NID2: variants seen among roughly 807,000 people sequenced by gnomAD.
The protein encoded by NID2 is nidogen-2.
Under a neutral mutation model 145.4 loss-of-function variants are expected in NID2, and 83 were observed. The ratio of observed to expected loss-of-function variants is 0.57; its 90% CI spans 0.48 to 0.69. The LOEUF is 0.69. NID2 is among the 30% of genes least tolerant of loss of function. The probability of loss-of-function intolerance (pLI) is 0.00; values close to 1 mark genes in which losing one functional copy is unlikely to be tolerated. For missense variants in NID2, 1,807 were observed against 1,765.7 expected (o/e 1.02, Z -0.42); for synonymous variants, 739 against 701.3 (o/e 1.05, Z -0.85).
At chr14:52,011,473 C>T (rs1055470676) in intron 17 of NID2, 81 bp downstream of exon 17, 10 of 1,568,464 alleles carry the variant, frequency 6.4e-6, no homozygotes, top group East Asian at 4.5e-5. Context: ...GGAGAAAAAT[C>T]GAGGGGAGAC....
intron 8 of NID2, among the ~76,000 whole-genome samples, chr14:52,039,680 T>C (rs905384828): frequency 6.6e-6 from 1 of 152,182 alleles, no homozygotes; most frequent in African/African-American, 2.4e-5. Flanking sequence ...TCCGGATTGC[T>C]GTGCTGCACA....
At position 52,040,683 on chromosome 14, in the gene NID2, G is replaced by A; in HGVS notation, c.1994C>T (p.Pro665Leu). 1 of 1,614,056 alleles carries A rather than the reference G, an allele frequency of 6.2e-7. No homozygotes were observed. Among genetic ancestry groups the A allele is most frequent in the South Asian group, 1.1e-5 (1 of 91,078 alleles). ...GGAGTAGTGGTACAGCTCCTTGTAG[G>A]GAGAGATGTGGGCTGTGAAATTTGC... ...VSANFTAHIS[P>L]YKELYHYSDS... The change falls in exon 8 of 22, where the codon CCC becomes CTC. Residue 665 changes from proline (P) to leucine (L), a missense_variant. Coordinates refer to ENST00000216286, the MANE Select transcript of NID2 (RefSeq NM_007361.4).
chr14:52,035,878 A>ACGTATATATATATATTTATATT (rs1555364238), intron 9 of NID2, among the ~76,000 whole-genome samples: 1 of 135,204 alleles, frequency 7.4e-6, no homozygotes, highest in Non-Finnish European at 1.5e-5. Flanking sequence ...ATATATATAT[A>ACGTATATATATATATTTATATT]TGTTTTATTT....
intron 14 of NID2, among the ~76,000 whole-genome samples, chr14:52,015,618 C>T (rs1891190987): frequency 6.6e-6 from 1 of 152,200 alleles, no homozygotes; most frequent in Non-Finnish European, 1.5e-5. Context: ...GAGAGGCCCA[C>T]AAGGCCCATC....
rs1045184802 is a variant in NID2, at chr14:52,005,398, T to C, written c.*88A>G. 2 of 1,341,652 alleles carry C rather than the reference T, an allele frequency of 1.5e-6. 1 individual carries two copies. The allele number at this position is 1,341,652 out of a possible 1,614,324, so 83.1% of individuals were successfully genotyped here. The stretch of plus-strand genomic sequence containing the variant: ...TCAGGAACGTCTAATGGCCAATTCC[T>C]TTTTTACTTTCTTTGCCTTTGCAGT... On this transcript the variant is annotated 3_prime_UTR_variant, in exon 22 of 22. Coordinates refer to ENST00000216286, the MANE Select transcript of NID2 (RefSeq NM_007361.4).
intron 12 of NID2, among the ~76,000 whole-genome samples, chr14:52,023,142 G>T (rs1891461415): frequency 6.6e-6 from 1 of 152,168 alleles, no homozygotes; most frequent in African/African-American, 2.4e-5. Flanking sequence ...CAGGAAACCT[G>T]GCCAGGCACA....
intron 12 of NID2, among the ~76,000 whole-genome samples, chr14:52,022,268 G>A (rs1266508029): frequency 2.0e-5 from 3 of 152,086 alleles, no homozygotes; most frequent in Admixed American, 2.0e-4. Context: ...TAAAGTTCTG[G>A]GTAGACAGAA....
At chr14:52,005,590 G>T in intron 21 of NID2, 94 bp from the exon 22 acceptor site, 1 of 1,501,794 alleles carries the variant, frequency 6.7e-7, no homozygotes, top group Non-Finnish European at 9.2e-7. Flanking sequence ...GTATAAACTA[G>T]GTAGATTTAA....
Position 52,015,067 on chromosome 14 carries a change from G to A in NID2, c.3237C>T (p.Gly1079=). Residue 1079 remains glycine, a synonymous_variant, in exon 15 of 22, where the codon GGC becomes GGT. Coordinates refer to ENST00000216286, the MANE Select transcript of NID2 (RefSeq NM_007361.4). ...CCAGGTGCTTACACGCAGGGGTGGT[G>A]CCTGGCTGGGAGCGGGTGCCCTGCA... ...REVQGTRSQP[G]TTPACIPTVA... The A allele has an allele frequency of 6.2e-7, 1 of 1,613,550 alleles. No homozygotes were observed. Among genetic ancestry groups the A allele is most frequent in the Non-Finnish European group, 8.5e-7 (1 of 1,179,722 alleles).
intron 9 of NID2, among the ~76,000 whole-genome samples, chr14:52,033,615 C>A (rs1891951992): frequency 3.9e-4 from 1 of 2,594 alleles, no homozygotes; most frequent in African/African-American, 4.3e-4. Context: ...TGAATTCCAA[C>A]AACTATCGTT....
intron 9 of NID2, among the ~76,000 whole-genome samples, chr14:52,030,589 A>G (rs1406513029): frequency 1.9e-4 from 8 of 41,274 alleles, no homozygotes; most frequent in South Asian, 3.4e-3. Flanking sequence ...AAAGAAAGAA[A>G]GAAAGAAAGA....
chr14:52,060,079 T>C, intron 3 of NID2, 45 bp downstream of exon 3: 2 of 1,391,842 alleles, frequency 1.4e-6, no homozygotes, highest in Non-Finnish European at 2.0e-6. Flanking sequence ...TTCCTAAAAG[T>C]CCTTATATTC....
rs573154988 is a variant in NID2, at chr14:52,034,764, T to C, written c.2257+3983A>G. Among the ~76,000 whole-genome samples, 293 of 152,266 alleles carry C rather than the reference T, an allele frequency of 1.9e-3. 2 individuals are homozygous for C. Among genetic ancestry groups the C allele is most frequent in the South Asian group, 0.016 (79 of 4,818 alleles). ...CCTCACTGAGGAGCTAACTCTGGGCTCAACAGTTTCAATACAGTGGCTGAA... is the reference window on the plus strand; with the variant it reads ...CCTCACTGAGGAGCTAACTCTGGGCCCAACAGTTTCAATACAGTGGCTGAA... On this transcript the variant is annotated intron_variant, in intron 9 of 21. Coordinates refer to ENST00000216286, the MANE Select transcript of NID2 (RefSeq NM_007361.4).
Position 52,028,848 on chromosome 14 carries a change from C to T in NID2, c.2404G>A (p.Glu802Lys), listed in dbSNP as rs776337652. The change falls in exon 11 of 22, where the codon GAA becomes AAA. Residue 802 changes from glutamate to lysine, a missense_variant and splice_region_variant. Coordinates refer to ENST00000216286, the MANE Select transcript of NID2 (RefSeq NM_007361.4). The stretch of plus-strand genomic sequence containing the variant: ...TGAAAGCCAGTTGCACATTCATTTT[C>T]ATCTAAGAAGAAATGAGAAGAGAAA... ...YQGDGRNCVDENECATGFHRC... is the reference protein window; with the variant it reads ...YQGDGRNCVDKNECATGFHRC... 6.9e-5 allele frequency: 112 copies of T among 1,612,962 alleles called. No homozygotes were observed. The highest frequency in any genetic ancestry group is 5.9e-6 in the Non-Finnish European group (7 of 1,179,674).
Position 52,019,164 on chromosome 14 carries a change from A to G in NID2, c.2925T>C (p.His975=), listed in dbSNP as rs1473821431. Residue 975 remains histidine (H), a synonymous_variant, in exon 14 of 22, where the codon CAT becomes CAC. Transcript: ENST00000216286. ...EQGNFLPLQC[H]GSTGFCWCVD... The stretch of plus-strand genomic sequence containing the variant: ...CGCACCAGCAGAAACCAGTGCTGCC[A>G]TGACACTGTAGGGGCAGGAAGTTGC... The G allele has an allele frequency of 3.1e-6, 5 of 1,614,036 alleles. No individual in the cohort carries two copies. The highest frequency in any genetic ancestry group is 2.7e-5 in the African/African-American group (2 of 74,914).
chr14:52,021,948 C>T (rs1266541957), intron 12 of NID2, among the ~76,000 whole-genome samples: 3 of 152,162 alleles, frequency 2.0e-5, no homozygotes, highest in Admixed American at 6.5e-5. Flanking sequence ...TAAAACTAAA[C>T]CTGTAAAAAT....
chr14:52,035,733 C>A (rs567896396), intron 9 of NID2, among the ~76,000 whole-genome samples: 1 of 151,724 alleles, frequency 6.6e-6, no homozygotes, highest in Non-Finnish European at 1.5e-5. Flanking sequence ...GGCTGGAATG[C>A]GATGGCACAA....
At chr14:52,065,359 A>G (rs985106844) in intron 2 of NID2, among the ~76,000 whole-genome samples, 2 of 152,106 alleles carry the variant, frequency 1.3e-5, no homozygotes, top group African/African-American at 4.8e-5. Context: ...GAACTATTAA[A>G]ACAAGAACTC....
rs1466665892 is a variant in NID2, at chr14:52,029,695, A to G, written c.2258-5T>C. On this transcript the variant is annotated splice_polypyrimidine_tract_variant and splice_region_variant and intron_variant, in intron 9 of 21. Coordinates refer to ENST00000216286, the MANE Select transcript of NID2 (RefSeq NM_007361.4). ...CCGGAGTGGGGTCTGAATCCTCTGC[A>G]TGAGTAGAGGGGAAATAAAAGCACA... 6.2e-7 allele frequency: 1 copy of G among 1,612,736 alleles called. No individual in the cohort carries two copies. The highest frequency in any genetic ancestry group is 8.5e-7 in the Non-Finnish European group (1 of 1,178,890).
Sources: gnomAD v4.1 joint callset for allele counts (sites outside exome capture counted in the v4.1 genomes callset) on GRCh38, gnomAD v4.1.1 for gene constraint, MANE v1.5 for transcripts, NCBI Gene and HGNC (gene_info 2026-07-23, HGNC 2026-07-21) for gene names.